PRICKLE1: variants seen among roughly 807,000 people sequenced by gnomAD.
The protein encoded by PRICKLE1 is prickle-like protein 1.
In PRICKLE1, 14 loss-of-function variants were observed where a neutral mutation model predicts 70.2. The ratio of observed to expected loss-of-function variants is 0.20; its 90% confidence interval spans 0.13 to 0.31. PRICKLE1 has a LOEUF of 0.31. PRICKLE1 is among the 10% of genes least tolerant of loss of function. The pLI is 1.00. For synonymous variants in PRICKLE1, 357 were observed against 379.9 expected, an observed-to-expected ratio of 0.94 and a Z score of 0.70; for missense variants, 821 against 1,026.2, an observed-to-expected ratio of 0.80 and a Z score of 2.73.
intron 7 of PRICKLE1, among the ~76,000 whole-genome samples, chr12:42,461,214 A>C (rs1162453102): frequency 6.6e-6 from 1 of 152,198 alleles, no homozygotes; most frequent in Non-Finnish European, 1.5e-5. Flanking sequence ...CCTGGAGTCA[A>C]AGATTAGTTA....
At chr12:42,489,386 G>T (rs569051700) in intron 1 of PRICKLE1, among the ~76,000 whole-genome samples, 1 of 151,112 alleles carries the variant, frequency 6.6e-6, no homozygotes, top group Non-Finnish European at 1.5e-5. Context: ...AAGGCCGGGC[G>T]CAGTGGCTCA....
rs540906757 is a variant in PRICKLE1, at chr12:42,530,345, G to A, written c.-48-57781C>T. On this transcript the variant is annotated intron_variant, in intron 1 of 7. Coordinates refer to ENST00000345127, the MANE Select transcript of PRICKLE1 (RefSeq NM_153026.3). ...TTTTATTTCATATGAAACACTAATGGTGAACTGGAAACTCTTCATTTTATA... is the reference window on the plus strand; with the variant it reads ...TTTTATTTCATATGAAACACTAATGATGAACTGGAAACTCTTCATTTTATA... 5.9e-5 allele frequency among the ~76,000 whole-genome samples: 9 copies of A among 152,122 alleles called. 1 individual carries two copies. The highest frequency in any genetic ancestry group is 2.6e-4 in the Admixed American group (4 of 15,276).
chr12:42,523,146 T>G (rs1939742470), intron 1 of PRICKLE1, among the ~76,000 whole-genome samples: 1 of 152,126 alleles, frequency 6.6e-6, no homozygotes, highest in Non-Finnish European at 1.5e-5. Context: ...GTATTTTATT[T>G]TTAGTAGAGA....
chr12:42,496,238 A>T (rs1467457891), intron 1 of PRICKLE1, among the ~76,000 whole-genome samples: 1 of 152,232 alleles, frequency 6.6e-6, no homozygotes, highest in African/African-American at 2.4e-5. Flanking sequence ...GTACCTTGTC[A>T]ATGAGCAGTA....
chr12:42,488,922 C>CTTTTTTTTTTTTTTTTTTTT (rs768868836), intron 1 of PRICKLE1, among the ~76,000 whole-genome samples: 1 of 130,894 alleles, frequency 7.6e-6, no homozygotes, highest in African/African-American at 2.9e-5. Context: ...ATCAATCTAT[C>CTTTTTTTTTTTTTTTTTTTT]TTTTTTTTTT....
chr12:42,467,751 A>G (rs934532321), intron 5 of PRICKLE1, among the ~76,000 whole-genome samples: 2 of 152,234 alleles, frequency 1.3e-5, no homozygotes, highest in African/African-American at 4.8e-5. Flanking sequence ...ATCCCAAAAA[A>G]ATAAATCAAA....
intron 1 of PRICKLE1, among the ~76,000 whole-genome samples, chr12:42,571,477 G>C (rs551816887): frequency 1.6e-4 from 24 of 152,332 alleles, no homozygotes; most frequent in African/African-American, 4.8e-4. Flanking sequence ...AGCTGGTGAG[G>C]GGTGGATCCT....
In PRICKLE1 at chr12:42,514,387, T is replaced by TGGAA. The variant is rs1939567629; in HGVS notation, c.-48-41827_-48-41824dup. Among the ~76,000 whole-genome samples, 3 of 151,834 alleles carry TGGAA rather than the reference T, an allele frequency of 2.0e-5. No individual in the cohort carries two copies. The Admixed American group carries it at 2.0e-4, about 10-fold the overall frequency. On this transcript the variant is annotated intron_variant, in intron 1 of 7. Coordinates refer to ENST00000345127, the MANE Select transcript of PRICKLE1 (RefSeq NM_153026.3). ...GTTCTCTTATCTCATGGTTCTTCAG[T>TGGAA]GGAAGAAGAAAGATCATCATCTTTT...
At chr12:42,518,856 ACACTT>A (rs1162768756) in intron 1 of PRICKLE1, among the ~76,000 whole-genome samples, 10 of 152,222 alleles carry the variant, frequency 6.6e-5, no homozygotes, top group Non-Finnish European at 1.5e-4. Flanking sequence ...ACTGCAAATT[ACACTT>A]ATTAATTAGA....
intron 1 of PRICKLE1, among the ~76,000 whole-genome samples, chr12:42,534,999 C>T (rs1237237207): frequency 6.6e-6 from 1 of 152,182 alleles, no homozygotes; most frequent in Non-Finnish European, 1.5e-5. Context: ...CTCATCCACT[C>T]TCAGTTTGTG....
chr12:42,574,432 A>G (rs546693567), intron 1 of PRICKLE1, among the ~76,000 whole-genome samples: 16 of 152,232 alleles, frequency 1.1e-4, no homozygotes, highest in Non-Finnish European at 1.8e-4. Flanking sequence ...TGGACTTTCC[A>G]TCAACAAAGC....
chr12:42,474,919 C>A (rs1052953514), intron 1 of PRICKLE1, among the ~76,000 whole-genome samples: 1 of 152,096 alleles, frequency 6.6e-6, no homozygotes, highest in East Asian at 1.9e-4. Context: ...CAAGAGAAAA[C>A]ATCACAAATT....
chr12:42,521,929 G>GGTGTGT (rs72169209), intron 1 of PRICKLE1, among the ~76,000 whole-genome samples: 3,748 of 139,760 alleles, frequency 0.027, 196 homozygotes, highest in African/African-American at 0.098. Context: ...GTTTGTTTTT[G>GGTGTGT]GTGTGTGTGT....
chr12:42,560,152 T>TTA (rs1940486887), intron 1 of PRICKLE1, among the ~76,000 whole-genome samples: 1 of 126,044 alleles, frequency 7.9e-6, no homozygotes, highest in African/African-American at 2.6e-5. Flanking sequence ...TATTATTATT[T>TTA]TTGAGGCAGA....
chr12:42,553,300 C>A (rs1267106156), intron 1 of PRICKLE1, among the ~76,000 whole-genome samples: 1 of 151,844 alleles, frequency 6.6e-6, no homozygotes, highest in Non-Finnish European at 1.5e-5. Context: ...AAAAATTAGC[C>A]GGGCGTGGTA....
intron 6 of PRICKLE1, 49 bp downstream of exon 6, chr12:42,466,145 A>T: frequency 6.3e-7 from 1 of 1,593,104 alleles, no homozygotes; most frequent in Non-Finnish European, 8.6e-7. Context: ...ATAATCCAAG[A>T]CAGACTAATG....
intron 4 of PRICKLE1, 57 bp from the exon 5 acceptor site, chr12:42,468,886 G>C: frequency 6.5e-7 from 1 of 1,529,552 alleles, no homozygotes; most frequent in Non-Finnish European, 9.0e-7. Context: ...AGGATTCTCA[G>C]GCTTTCCTAC....
intron 1 of PRICKLE1, among the ~76,000 whole-genome samples, chr12:42,563,849 G>C (rs563897792): frequency 4.0e-5 from 6 of 151,486 alleles, no homozygotes; most frequent in Non-Finnish European, 7.4e-5. Flanking sequence ...GACATTTTTC[G>C]AGTACAATGG....
intron 1 of PRICKLE1, among the ~76,000 whole-genome samples, chr12:42,548,679 G>A (rs1223588301): frequency 6.6e-6 from 1 of 152,204 alleles, no homozygotes; most frequent in Non-Finnish European, 1.5e-5. Context: ...TTGAGTCTTT[G>A]AGGTGGGATT....
Sources: gnomAD v4.1 joint callset for allele counts (sites outside exome capture counted in the v4.1 genomes callset) on GRCh38, gnomAD v4.1.1 for gene constraint, MANE v1.5 for transcripts, NCBI Gene and HGNC (gene_info 2026-07-23, HGNC 2026-07-21) for gene names.